The following MYO6 variants were observed in gnomAD, a reference collection of about 807,000 sequenced individuals.
The protein encoded by MYO6 is unconventional myosin-VI.
A neutral mutation model predicts 178.7 loss-of-function variants in MYO6; 74 were observed. That is an observed-to-expected ratio of 0.41 (90% CI 0.34 to 0.50). The LOEUF (loss-of-function observed/expected upper bound fraction) is 0.50, where lower values mean the gene tolerates loss of function less well. Ranked by LOEUF, MYO6 falls within the 20% of genes least tolerant of loss-of-function variation. The pLI, the probability that MYO6 is intolerant of heterozygous loss-of-function variation, is 0.09. For synonymous variants in MYO6, 477 were observed against 504.6 expected (o/e 0.95, Z 0.73); for missense variants, 1,330 against 1,547.4 (o/e 0.86, Z 2.36).
intron 1 of MYO6, among the ~76,000 whole-genome samples, chr6:75,811,009 A>G (rs1160692454): frequency 6.6e-6 from 1 of 151,568 alleles, no homozygotes; most frequent in Admixed American, 6.6e-5. Context: ...CCTATCTCCT[A>G]AGCAGTTTTG....
Position 75,754,519 on chromosome 6 carries a change from C to CAAAAAAAAAAA in MYO6, c.-48+5113_-48+5123dup, listed in dbSNP as rs58162315. Among the ~76,000 whole-genome samples the CAAAAAAAAAAA allele has an allele frequency of 1.4e-4, 6 of 44,176 alleles. 1 individual carries two copies. Among genetic ancestry groups the CAAAAAAAAAAA allele is most frequent in the East Asian group, 9.8e-4 (1 of 1,020 alleles). The allele number at this position is 44,176 out of a possible 152,430, so 29.0% of individuals were successfully genotyped here. On this transcript the variant is annotated intron_variant, in intron 1 of 34. Coordinates refer to ENST00000369977, the MANE Select transcript of MYO6 (RefSeq NM_004999.4). Reference sequence around the variant, plus strand: ...TGGACGATTGAGTGAGACTCCGTCTCAAAAAAAAAAAAAAAAAAAAAAAAA... The same window carrying CAAAAAAAAAAA: ...TGGACGATTGAGTGAGACTCCGTCTCAAAAAAAAAAAAAAAAAAAAAAAAAAAAAAAAAAAA...
At chr6:75,817,452 A>G in intron 1 of MYO6, 49 bp from the exon 2 acceptor site, 1 of 960,632 alleles carries the variant, frequency 1.0e-6, no homozygotes, top group South Asian at 1.3e-5. Flanking sequence ...TTTGTTTTAT[A>G]TATATTTCAA....
intron 16 of MYO6, chr6:75,865,358 T>TC (rs1776566065): frequency 1.5e-5 from 2 of 129,942 alleles, no homozygotes; most frequent in Non-Finnish European, 3.3e-5. Flanking sequence ...ATGATGTCTT[T>TC]TTTTTTTTTT....
intron 1 of MYO6, among the ~76,000 whole-genome samples, chr6:75,816,259 G>A (rs991277904): frequency 6.6e-6 from 1 of 152,220 alleles, no homozygotes; most frequent in Non-Finnish European, 1.5e-5. Flanking sequence ...AATACATACT[G>A]TATGATGTCA....
At chr6:75,908,047 C>T (rs1259785811) in intron 31 of MYO6, among the ~76,000 whole-genome samples, 1 of 152,100 alleles carries the variant, frequency 6.6e-6, no homozygotes, top group Non-Finnish European at 1.5e-5. Context: ...AAAACTATGA[C>T]TAGAAACAAA....
intron 3 of MYO6, among the ~76,000 whole-genome samples, 163 bp from the exon 4 acceptor site, chr6:75,828,377 G>C (rs1294266715): frequency 6.6e-6 from 1 of 152,026 alleles, no homozygotes; most frequent in East Asian, 1.9e-4. Context: ...TTTTAAATCA[G>C]CTTCTAGGGT....
chr6:75,762,178 G>T (rs572601281), intron 1 of MYO6, among the ~76,000 whole-genome samples: 1 of 152,100 alleles, frequency 6.6e-6, no homozygotes, highest in African/African-American at 2.4e-5. Flanking sequence ...CTCATGATCC[G>T]CCTGCCTCGG....
chr6:75,873,591 G>A (rs1777326531), intron 20 of MYO6, among the ~76,000 whole-genome samples: 1 of 152,092 alleles, frequency 6.6e-6, no homozygotes, highest in East Asian at 1.9e-4. Context: ...GAAAAGAAAA[G>A]CATAGATGGC....
At chr6:75,905,653 A>T (rs972401808) in intron 30 of MYO6, among the ~76,000 whole-genome samples, 2 of 152,196 alleles carry the variant, frequency 1.3e-5, no homozygotes, top group African/African-American at 4.8e-5. Flanking sequence ...GGTACCTCAG[A>T]TGGAAATGCA....
chr6:75,866,859 C>T (rs1776747870), intron 17 of MYO6, 73 bp from the exon 18 acceptor site: 3 of 1,513,946 alleles, frequency 2.0e-6, no homozygotes, highest in African/African-American at 1.4e-5. Context: ...CAGAAAGTTC[C>T]TTTGGACAGA....
chr6:75,785,191 A>G (rs1767413050), intron 1 of MYO6, among the ~76,000 whole-genome samples: 1 of 152,154 alleles, frequency 6.6e-6, no homozygotes. Flanking sequence ...CAAACAGAGG[A>G]ATGAATTTAG....
intron 30 of MYO6, among the ~76,000 whole-genome samples, chr6:75,901,225 A>T (rs909300633): frequency 3.3e-5 from 5 of 151,842 alleles, no homozygotes; most frequent in African/African-American, 1.2e-4. Context: ...GGGCTCTTTT[A>T]TGGTTCCATA....
At chr6:75,869,556 A>G (rs144800486) in intron 18 of MYO6, among the ~76,000 whole-genome samples, 225 of 152,326 alleles carry the variant, frequency 1.5e-3, no homozygotes, top group African/African-American at 5.3e-3. Context: ...TGATTAATAC[A>G]ATGTTAGTTT....
intron 23 of MYO6, among the ~76,000 whole-genome samples, chr6:75,884,642 C>T (rs554227060): frequency 4.0e-4 from 60 of 151,850 alleles, no homozygotes; most frequent in African/African-American, 1.4e-3. Context: ...TCTGAAAACT[C>T]GGAGATCTGA....
chr6:75,765,364 A>G (rs1394216019), intron 1 of MYO6, among the ~76,000 whole-genome samples: 1 of 151,534 alleles, frequency 6.6e-6, no homozygotes, highest in Non-Finnish European at 1.5e-5. Flanking sequence ...TTTAGTAGAG[A>G]TGGGGTTTCA....
chr6:75,905,338 G>A (rs1012521886), intron 30 of MYO6, among the ~76,000 whole-genome samples: 2 of 152,230 alleles, frequency 1.3e-5, no homozygotes, highest in African/African-American at 2.4e-5. Context: ...CCGCCTTGCA[G>A]TTTGATCTCA....
At chr6:75,793,823 A>G (rs1398606629) in intron 1 of MYO6, among the ~76,000 whole-genome samples, 2 of 152,058 alleles carry the variant, frequency 1.3e-5, no homozygotes, top group African/African-American at 2.4e-5. Flanking sequence ...TATAGGAATT[A>G]AAAAAAATTA....
At chr6:75,859,975 C>T (rs1449403742) in intron 14 of MYO6, among the ~76,000 whole-genome samples, 1 of 152,122 alleles carries the variant, frequency 6.6e-6, no homozygotes, top group Admixed American at 6.6e-5. Context: ...TCCCCTTCTT[C>T]AGGTCTCTCT....
At chr6:75,889,115 A>C (rs899384815) in intron 25 of MYO6, among the ~76,000 whole-genome samples, 2 of 152,148 alleles carry the variant, frequency 1.3e-5, no homozygotes, top group African/African-American at 4.8e-5. Context: ...TTTTCTGCAG[A>C]TATTTTATGT....
Sources: gnomAD v4.1 joint callset for allele counts (sites outside exome capture counted in the v4.1 genomes callset) on GRCh38, gnomAD v4.1.1 for gene constraint, MANE v1.5 for transcripts, NCBI Gene and HGNC (gene_info 2026-07-23, HGNC 2026-07-21) for gene names.